Variants in ING2 observed in about 807,000 individuals in gnomAD.
ING2 encodes inhibitor of growth family member 2, also known as inhibitor of growth protein 2.
A neutral mutation model predicts 30.6 loss-of-function variants in ING2; 7 were observed. The observed-to-expected ratio is 0.23, with a 90% CI of 0.13 to 0.43. The LOEUF is 0.43. Among genes scored for constraint, ING2 ranks in the 20% least tolerant of loss-of-function variants. The probability of loss-of-function intolerance (pLI) is 1.00; values close to 1 mark genes in which losing one functional copy is unlikely to be tolerated. For missense variants in ING2, 239 were observed against 334.9 expected, an observed-to-expected ratio of 0.71 and a Z score of 2.24; for synonymous variants, 136 against 121.7, an observed-to-expected ratio of 1.12 and a Z score of -0.78.
intron 1 of ING2, among the ~76,000 whole-genome samples, chr4:183,509,164 G>A (rs564179483): frequency 5.0e-4 from 76 of 152,304 alleles, no homozygotes; most frequent in African/African-American, 1.8e-3. Context: ...TGCCTTCTTT[G>A]TTAAGAATGT....
At chr4:183,508,575 G>A (rs982915936) in intron 1 of ING2, among the ~76,000 whole-genome samples, 21 of 152,174 alleles carry the variant, frequency 1.4e-4, no homozygotes, top group South Asian at 4.1e-4. Flanking sequence ...CATCAAGTAC[G>A]AGTACCTGCG....
rs1228316658 is a variant in ING2, at chr4:183,511,504, C to T, written c.*552C>T. On this transcript the variant is annotated 3_prime_UTR_variant, in exon 2 of 2. Transcript: ENST00000302327. ...GGGATTCCATGTGGAATAATGTGCT[C>T]TTATGAGAGTACGTGCTGCTGTCTT... Among the ~76,000 whole-genome samples the T allele has an allele frequency of 6.6e-6, 1 of 152,176 alleles. No homozygotes were observed. Among genetic ancestry groups the T allele is most frequent in the Non-Finnish European group, 1.5e-5 (1 of 68,026 alleles).
At chr4:183,506,128 G>C in intron 1 of ING2, 2 of 1,232,526 alleles carry the variant, frequency 1.6e-6, no homozygotes, top group Non-Finnish European at 2.1e-6. Context: ...AAAATGGCTG[G>C]TCGCGAGAGG....
chr4:183,510,206 TA>T, intron 1 of ING2, 75 bp from the exon 2 acceptor site: 1 of 1,096,400 alleles, frequency 9.1e-7, no homozygotes, highest in Non-Finnish European at 1.3e-6. Flanking sequence ...TTCAATTCTG[TA>T]AAAAATAACT....
chr4:183,505,167 A>AGGC lies in ING2; in HGVS notation c.-21_-19dup, dbSNP rs772038167. On this transcript the variant is annotated 5_prime_UTR_variant, in exon 1 of 2. Transcript: ENST00000302327. ...GTGCATGTGCGGCTGCTGGATGCGG[A>AGGC]GGCGGCGGCGACGGCGCGGATCGGC... 6.3e-7 allele frequency: 1 copy of AGGC among 1,580,598 alleles called. No individual in the cohort carries two copies. The highest frequency in any genetic ancestry group is 2.4e-5 in the East Asian group (1 of 41,114).
At chr4:183,506,090 G>T (rs1734637519) in intron 1 of ING2, 8 of 1,189,006 alleles carry the variant, frequency 6.7e-6, no homozygotes, top group Non-Finnish European at 8.5e-6. Context: ...GCGTGGGAGG[G>T]GCGCGGCGCG....
rs1734602995 is a variant in ING2, at chr4:183,505,173, C to T, written c.-23C>T. ...GTGCGGCTGCTGGATGCGGAGGCGG[C>T]GGCGACGGCGCGGATCGGCAGGATG... is the stretch of plus-strand genomic sequence containing the variant. On this transcript the variant is annotated 5_prime_UTR_variant, in exon 1 of 2. Coordinates refer to ENST00000302327, the MANE Select transcript of ING2 (RefSeq NM_001564.4). 2.5e-6 allele frequency: 4 copies of T among 1,585,616 alleles called. No individual in the cohort carries two copies. Among genetic ancestry groups the T allele is most frequent in the South Asian group, 1.1e-5 (1 of 88,556 alleles).
At chr4:183,505,428 G>A in intron 1 of ING2, 61 bp downstream of exon 1, 1 of 1,420,694 alleles carries the variant, frequency 7.0e-7, no homozygotes. Context: ...CCGGGGGAGT[G>A]CCACCTTCCC....
chr4:183,506,547 T>C (rs563147147), intron 1 of ING2, among the ~76,000 whole-genome samples: 18 of 152,314 alleles, frequency 1.2e-4, no homozygotes, highest in African/African-American at 3.4e-4. Context: ...GGAAATGTGT[T>C]GCGCTTAATA....
At chr4:183,509,783 G>C (rs1232302846) in intron 1 of ING2, among the ~76,000 whole-genome samples, 8 of 139,258 alleles carry the variant, frequency 5.7e-5, no homozygotes, top group South Asian at 2.3e-4. Flanking sequence ...GCCCAGACCG[G>C]AGTGCAGCGG....
Position 183,511,015 on chromosome 4 carries a change from A to G in ING2, c.*63A>G. The G allele has an allele frequency of 7.5e-7, 1 of 1,326,550 alleles. No individual in the cohort carries two copies. The highest frequency in any genetic ancestry group is 2.7e-5 in the Admixed American group (1 of 37,706). 82.2% of individuals were successfully genotyped at this position (1,326,550 alleles called of 1,614,324 possible). ...TATATAATTCGTTTGCTTTCAGAAAATGTTTTAGGGTAAATGCATAAGACT... is the reference window on the plus strand; with the variant it reads ...TATATAATTCGTTTGCTTTCAGAAAGTGTTTTAGGGTAAATGCATAAGACT... On this transcript the variant is annotated 3_prime_UTR_variant, in exon 2 of 2. Transcript: ENST00000302327.
rs1441071341 is a variant in ING2 at position 183,505,175 on chromosome 4, G to A, written c.-21G>A. ...GCGGCTGCTGGATGCGGAGGCGGCG[G>A]CGACGGCGCGGATCGGCAGGATGTT... On this transcript the variant is annotated 5_prime_UTR_variant, in exon 1 of 2. Coordinates refer to ENST00000302327, the MANE Select transcript of ING2 (RefSeq NM_001564.4). The A allele has an allele frequency of 1.9e-6, 3 of 1,588,616 alleles. No homozygotes were observed. The highest frequency in any genetic ancestry group is 1.4e-5 in the African/African-American group (1 of 72,990).
At chr4:183,505,978 A>T in intron 1 of ING2, 1 of 630,290 alleles carries the variant, frequency 1.6e-6, no homozygotes, top group Non-Finnish European at 2.1e-6. Flanking sequence ...TTTCGGCAAA[A>T]TGGTTAAGAG....
In ING2 at chr4:183,510,511, C is replaced by T. The variant is rs773928982; in HGVS notation, c.402C>T (p.Ala134=). 2.5e-6 allele frequency: 4 copies of T among 1,613,990 alleles called. No individual in the cohort carries two copies. The Admixed American group carries it at 5.0e-5, about 20-fold the overall frequency. Residue 134 remains alanine (A), a synonymous_variant, in exon 2 of 2, where the codon GCC becomes GCT. Transcript: ENST00000302327. ...AAGATCCTGCTGAAAGTGAACGAGC[C>T]TCAGATAAAGCAAAGATGGATTCCA... The part of the protein sequence containing the change: ...CFQDPAESER[A]SDKAKMDSSQ...
chr4:183,506,009 G>A (rs1213901923), intron 1 of ING2: 7 of 875,648 alleles, frequency 8.0e-6, no homozygotes, highest in Non-Finnish European at 1.0e-5. Context: ...CCCCGCGGGA[G>A]AGGAAGAGAG....
rs1474565593 is a variant in ING2 at position 183,511,995 on chromosome 4, CTT to C, written c.*1044_*1045del. On this transcript the variant is annotated 3_prime_UTR_variant, in exon 2 of 2. Coordinates refer to ENST00000302327, the MANE Select transcript of ING2 (RefSeq NM_001564.4). ...GTTTGATGTTTTCACATTTAATTAACTTATTTCATCATCATAATGCAATTAAT... is the reference window on the plus strand; with the variant it reads ...GTTTGATGTTTTCACATTTAATTAACATTTCATCATCATAATGCAATTAAT... Among the ~76,000 whole-genome samples the C allele has an allele frequency of 2.0e-5, 3 of 152,118 alleles. No homozygotes were observed.
chr4:183,506,234 T>C, intron 1 of ING2: 1 of 1,304,220 alleles, frequency 7.7e-7, no homozygotes, highest in Non-Finnish European at 1.0e-6. Context: ...GCAGCATGTT[T>C]TGCGGTGATG....
intron 1 of ING2, chr4:183,506,024 G>A: frequency 1.0e-6 from 1 of 961,600 alleles, no homozygotes; most frequent in Non-Finnish European, 1.3e-6. Flanking sequence ...AGAGAGGGGC[G>A]TGTGTGGCGG....
At chr4:183,508,004 T>C (rs567982718) in intron 1 of ING2, among the ~76,000 whole-genome samples, 1 of 152,250 alleles carries the variant, frequency 6.6e-6, no homozygotes, top group South Asian at 2.1e-4. Flanking sequence ...ACTTTGATAC[T>C]TAATTTCAAG....
Sources: gnomAD v4.1 joint callset for allele counts (sites outside exome capture counted in the v4.1 genomes callset) on GRCh38, gnomAD v4.1.1 for gene constraint, MANE v1.5 for transcripts, NCBI Gene and HGNC (gene_info 2026-07-23, HGNC 2026-07-21) for gene names.